Variants in PRPSAP1 observed in about 807,000 individuals in gnomAD.
The protein encoded by PRPSAP1 is phosphoribosyl pyrophosphate synthetase associated protein 1.
In PRPSAP1, 31 loss-of-function variants were observed where a neutral mutation model predicts 39.4. That is an observed-to-expected ratio of 0.79 (90% CI 0.59 to 1.06). The LOEUF (loss-of-function observed/expected upper bound fraction) is 1.06. Among genes scored for constraint, PRPSAP1 ranks in the 50% least tolerant of loss-of-function variants. PRPSAP1 has a pLI of 0.00. For missense variants in PRPSAP1, 430 were observed against 511.6 expected (o/e 0.84, Z 1.54); for synonymous variants, 212 against 192.6 (o/e 1.10, Z -0.83).
At chr17:76,327,208 T>C (rs1426720324) in intron 7 of PRPSAP1, among the ~76,000 whole-genome samples, 2 of 150,484 alleles carry the variant, frequency 1.3e-5, no homozygotes, top group African/African-American at 2.5e-5. Flanking sequence ...ATTAGCTGGG[T>C]GTGGTGGTGT....
At chr17:76,320,341 G>GAGGAAGGAAGGA (rs200479404) in intron 7 of PRPSAP1, among the ~76,000 whole-genome samples, 2 of 68,466 alleles carry the variant, frequency 2.9e-5, no homozygotes, top group Admixed American at 1.5e-4. Flanking sequence ...GGGAGGGAGG[G>GAGGAAGGAAGGA]AGGAAGGAAG....
intron 2 of PRPSAP1, among the ~76,000 whole-genome samples, chr17:76,346,249 G>A (rs1212743306): frequency 6.6e-6 from 1 of 152,206 alleles, no homozygotes; most frequent in African/African-American, 2.4e-5. Flanking sequence ...TCTGGGGAAA[G>A]GAGCATATGT....
intron 1 of PRPSAP1, among the ~76,000 whole-genome samples, chr17:76,352,663 A>AG (rs1555598142): frequency 1.0e-4 from 15 of 144,880 alleles, no homozygotes; most frequent in African/African-American, 3.2e-4. Context: ...AAAAAAAAAA[A>AG]AAAAGAAAAG....
chr17:76,312,020 C>G (rs1225622408), intron 9 of PRPSAP1, among the ~76,000 whole-genome samples: 1 of 152,052 alleles, frequency 6.6e-6, no homozygotes, highest in Non-Finnish European at 1.5e-5. Context: ...CCTAGGGTGT[C>G]AAATTAAAGT....
chr17:76,350,793 G>A (rs2071560152), intron 1 of PRPSAP1, among the ~76,000 whole-genome samples: 1 of 152,236 alleles, frequency 6.6e-6, no homozygotes, highest in African/African-American at 2.4e-5. Context: ...GGCACTTCGG[G>A]AGGCCAAGGT....
At chr17:76,351,660 C>T (rs552935358) in intron 1 of PRPSAP1, among the ~76,000 whole-genome samples, 2 of 152,288 alleles carry the variant, frequency 1.3e-5, no homozygotes, top group East Asian at 3.9e-4. Context: ...GCACTCCAGC[C>T]TGGGTGACAC....
intron 7 of PRPSAP1, among the ~76,000 whole-genome samples, chr17:76,318,047 G>A (rs1241009827): frequency 1.3e-5 from 2 of 152,132 alleles, no homozygotes; most frequent in East Asian, 3.9e-4. Context: ...CCTACAAGAT[G>A]CCAGCAGCAC....
Position 76,313,826 on chromosome 17 carries a change from T to C in PRPSAP1, c.847A>G (p.Ile283Val). The part of the protein sequence containing the change: ...VGDVGGRIAI[I>V]VDDIIDDVES... Reference sequence around the variant, plus strand: ...TGGATGACATATAACCATACCACGATGATTGCGATGCGGCCTCCAACATCT... The same window carrying C: ...TGGATGACATATAACCATACCACGACGATTGCGATGCGGCCTCCAACATCT... Residue 283 changes from isoleucine (I) to valine (V), a missense_variant, in exon 8 of 10, where the codon ATC becomes GTC. Physicochemically the swap from Ile to Val is conservative, Grantham distance 29 (BLOSUM62 3). This residue lies in a region of PRPSAP1 where 278 missense variants were observed against 376.3 expected (regional missense o/e 0.74). Transcript: ENST00000446526. 1 of 1,614,192 alleles carries C rather than the reference T, an allele frequency of 6.2e-7. No homozygotes were observed. Among genetic ancestry groups the C allele is most frequent in the Non-Finnish European group, 8.5e-7 (1 of 1,180,046 alleles).
At chr17:76,322,398 A>G (rs2071207448) in intron 7 of PRPSAP1, among the ~76,000 whole-genome samples, 1 of 152,110 alleles carries the variant, frequency 6.6e-6, no homozygotes, top group Non-Finnish European at 1.5e-5. Flanking sequence ...TCCATCTCAA[A>G]AAAATATATT....
rs943446478 is a variant in PRPSAP1, at chr17:76,311,716, T to C, written c.1000-16A>G. ...TCACCACCACCTAGTCACACAGTGA[T>C]GGAAAACAAACGCTGTTACTGAAGT... On this transcript the variant is annotated splice_polypyrimidine_tract_variant and intron_variant, in intron 9 of 9. Coordinates refer to ENST00000446526, the MANE Select transcript of PRPSAP1 (RefSeq NM_002766.3). 8.1e-6 allele frequency: 13 copies of C among 1,608,662 alleles called. No homozygotes were observed. Among genetic ancestry groups the C allele is most frequent in the Non-Finnish European group, 1.1e-5 (13 of 1,177,020 alleles).
intron 1 of PRPSAP1, among the ~76,000 whole-genome samples, chr17:76,350,339 T>C (rs1456673341): frequency 6.6e-6 from 1 of 151,148 alleles, no homozygotes; most frequent in East Asian, 1.9e-4. Flanking sequence ...CTCGGGAGGC[T>C]GAGGCAGGGG....
intron 3 of PRPSAP1, among the ~76,000 whole-genome samples, chr17:76,343,703 TG>T (rs968700876): frequency 1.6e-4 from 24 of 152,020 alleles, no homozygotes; most frequent in African/African-American, 5.8e-4. Flanking sequence ...GGCATGGTGG[TG>T]GGCACCTGTA....
In PRPSAP1 at chr17:76,311,505, TCCC is replaced by T. The variant is rs1402756108; in HGVS notation, c.*34_*36del. ...CTCATGGCACTGCTTTTTCCATGTT[TCCC>T]TCAGGAGGTCCAGGGTCGAGACCCT... is the stretch of plus-strand genomic sequence containing the variant. On this transcript the variant is annotated 3_prime_UTR_variant, in exon 10 of 10. Coordinates refer to ENST00000446526, the MANE Select transcript of PRPSAP1 (RefSeq NM_002766.3). 1 of 1,593,272 alleles carries T rather than the reference TCCC, an allele frequency of 6.3e-7. No individual in the cohort carries two copies. Among genetic ancestry groups the T allele is most frequent in the Admixed American group, 1.8e-5 (1 of 56,196 alleles).
intron 1 of PRPSAP1, 74 bp downstream of exon 1, chr17:76,353,460 G>C: frequency 2.2e-6 from 3 of 1,364,282 alleles, no homozygotes; most frequent in Non-Finnish European, 2.9e-6. Flanking sequence ...GGGTGGAGGG[G>C]AGCGGGTCCC....
chr17:76,335,102 G>T (rs899554636), intron 3 of PRPSAP1, among the ~76,000 whole-genome samples: 7 of 152,082 alleles, frequency 4.6e-5, no homozygotes, highest in African/African-American at 1.7e-4. Context: ...TTGTTTAAAA[G>T]ATTTTTTTTC....
chr17:76,342,985 T>C (rs1598538734), intron 3 of PRPSAP1, among the ~76,000 whole-genome samples: 1 of 151,442 alleles, frequency 6.6e-6, no homozygotes, highest in South Asian at 2.1e-4. Context: ...GAGGCTGAGG[T>C]AGAATCACTT....
In PRPSAP1 at chr17:76,319,744, T is replaced by C. The variant is rs151296248; in HGVS notation, c.782-5853A>G. Among the ~76,000 whole-genome samples the C allele has an allele frequency of 4.3e-3, 649 of 152,026 alleles. 3 individuals are homozygous for C. The highest frequency in any genetic ancestry group is 5.8e-3 in the African/African-American group (239 of 41,484). On this transcript the variant is annotated intron_variant, in intron 7 of 9. Coordinates refer to ENST00000446526, the MANE Select transcript of PRPSAP1 (RefSeq NM_002766.3). ...CTGGGATTACAGGCGTGAGCCACCGTGCCTGGCCTGACTGATTTTTAAAAA... is the reference window on the plus strand; with the variant it reads ...CTGGGATTACAGGCGTGAGCCACCGCGCCTGGCCTGACTGATTTTTAAAAA...
upstream of PRPSAP1, chr17:76,353,917 A>G: frequency 7.5e-7 from 1 of 1,325,166 alleles, no homozygotes; most frequent in Non-Finnish European, 9.6e-7. Context: ...AGCCAGAGGC[A>G]AGGCCACCGC....
In PRPSAP1 at chr17:76,311,368, G is replaced by T; in HGVS notation, c.*174C>A. ...GCCATGTTATGATATTTATCCATTA[G>T]CTCTGTCTTCTTCCTGACTCTTTTA... On this transcript the variant is annotated 3_prime_UTR_variant, in exon 10 of 10. Transcript: ENST00000446526. The T allele has an allele frequency of 1.6e-6, 1 of 630,040 alleles. No homozygotes were observed. The highest frequency in any genetic ancestry group is 2.6e-6 in the Non-Finnish European group (1 of 385,692). The allele number at this position is 630,040 out of a possible 1,614,324, so 39.0% of individuals were successfully genotyped here.
Sources: gnomAD v4.1 joint callset for allele counts (sites outside exome capture counted in the v4.1 genomes callset) on GRCh38, gnomAD v4.1.1 for gene constraint, gnomAD v4.1.1 regional missense constraint, MANE v1.5 for transcripts, NCBI Gene and HGNC (gene_info 2026-07-23, HGNC 2026-07-21) for gene names.